Variants in DGLUCY observed in about 807,000 individuals in gnomAD.
DGLUCY encodes D-glutamate cyclase, mitochondrial.
A neutral mutation model predicts 58.5 loss-of-function variants in DGLUCY; 58 were observed. That is an observed-to-expected ratio of 0.99 (90% CI 0.80 to 1.23). DGLUCY has a LOEUF of 1.23. Ranked by LOEUF, DGLUCY falls within the 50% of genes most tolerant of loss-of-function variation. The pLI is 0.00. For missense variants in DGLUCY, 779 were observed against 784.7 expected (o/e 0.99, Z 0.09); for synonymous variants, 325 against 314.1 (o/e 1.03, Z -0.37).
In DGLUCY at chr14:91,169,817, G is replaced by A. The variant is rs570087307; in HGVS notation, c.258-186G>A. The stretch of plus-strand genomic sequence containing the variant: ...TATACGTGCTGATTTAATCGTTTCC[G>A]ATCTGGGGACATTTGAAGGATGCCA... On this transcript the variant is annotated intron_variant, in intron 4 of 13. Coordinates refer to ENST00000256324, the MANE Select transcript of DGLUCY (RefSeq NM_001102368.3). Among the ~76,000 whole-genome samples the A allele has an allele frequency of 7.9e-5, 12 of 152,180 alleles. No individual in the cohort carries two copies. The East Asian group carries it at 1.4e-3, about 17-fold the overall frequency.
intron 8 of DGLUCY, among the ~76,000 whole-genome samples, chr14:91,183,119 G>GT (rs1431067981): frequency 1.3e-5 from 2 of 151,800 alleles, no homozygotes; most frequent in Non-Finnish European, 2.9e-5. Flanking sequence ...AGCCTCCTGA[G>GT]TAGCTGAGAC....
At chr14:91,183,109 A>G (rs1316927113) in intron 8 of DGLUCY, among the ~76,000 whole-genome samples, 2 of 151,878 alleles carry the variant, frequency 1.3e-5, no homozygotes, top group Non-Finnish European at 2.9e-5. Context: ...CTCCCACCTC[A>G]GCCTCCTGAG....
At chr14:91,103,274 T>C (rs909702347), upstream of DGLUCY, among the ~76,000 whole-genome samples, 4 of 152,192 alleles carry the variant, frequency 2.6e-5, no homozygotes, top group African/African-American at 9.6e-5. Flanking sequence ...CCACATGGGC[T>C]GGCCTCATTT....
intron 1 of DGLUCY, among the ~76,000 whole-genome samples, chr14:91,129,133 CACTT>C (rs1352410663): frequency 6.6e-6 from 1 of 152,206 alleles, no homozygotes; most frequent in Non-Finnish European, 1.5e-5. Context: ...ATCATCTACA[CACTT>C]TTTATCTTTT....
intron 3 of DGLUCY, among the ~76,000 whole-genome samples, chr14:91,161,004 AAT>A (rs1192863625): frequency 6.6e-6 from 1 of 152,224 alleles, no homozygotes; most frequent in Admixed American, 6.5e-5. Flanking sequence ...TTAGTTTATT[AAT>A]ATGTCTGGCC....
At chr14:91,179,508 C>G (rs1453975637) in intron 7 of DGLUCY, among the ~76,000 whole-genome samples, 1 of 151,808 alleles carries the variant, frequency 6.6e-6, no homozygotes, top group African/African-American at 2.4e-5. Flanking sequence ...TCCCAGCACT[C>G]TGGGAGGCTG....
At chr14:91,081,394 A>G (rs985132477) in intron 1 of DGLUCY, among the ~76,000 whole-genome samples, 3 of 152,268 alleles carry the variant, frequency 2.0e-5, no homozygotes, top group Non-Finnish European at 4.4e-5. Context: ...ATAGGGATTC[A>G]TAGACGGGAA....
rs554553915 is a variant in DGLUCY at position 91,143,398 on chromosome 14, G to A, written c.-81-14241G>A. Among the ~76,000 whole-genome samples the A allele has an allele frequency of 5.9e-5, 9 of 152,250 alleles. No homozygotes were observed. In the East Asian group the frequency reaches 1.5e-3, roughly 26 times the overall value. ...GCATGAGCCACCGCGCCTGGCAGCAGTTCTGAGGAACAGTTTGCTCAGGCT... is the reference window on the plus strand; with the variant it reads ...GCATGAGCCACCGCGCCTGGCAGCAATTCTGAGGAACAGTTTGCTCAGGCT... On this transcript the variant is annotated intron_variant, in intron 1 of 13. Transcript: ENST00000256324.
At chr14:91,084,087 C>T (rs2044171577) in intron 1 of DGLUCY, among the ~76,000 whole-genome samples, 3 of 152,082 alleles carry the variant, frequency 2.0e-5, no homozygotes, top group Admixed American at 2.0e-4. Context: ...GTAGGGCTGG[C>T]AATACATGTT....
At chr14:91,065,465 C>G (rs1278616726) in intron 1 of DGLUCY, among the ~76,000 whole-genome samples, 1 of 152,110 alleles carries the variant, frequency 6.6e-6, no homozygotes, top group Non-Finnish European at 1.5e-5. Flanking sequence ...GAGTTCTCAA[C>G]CTTGGCTGAA....
chr14:91,171,023 C>T (rs945707576), intron 5 of DGLUCY, among the ~76,000 whole-genome samples: 5 of 152,102 alleles, frequency 3.3e-5, no homozygotes, highest in African/African-American at 4.8e-5. Context: ...TGTGCCCGAG[C>T]GGTTCTCTTG....
At chr14:91,207,512 C>T (rs1567009278) in intron 12 of DGLUCY, among the ~76,000 whole-genome samples, 1 of 152,058 alleles carries the variant, frequency 6.6e-6, no homozygotes, top group African/African-American at 2.4e-5. Context: ...GACACCAAAC[C>T]ATAGATCCGG....
At position 91,178,689 on chromosome 14, in the gene DGLUCY, A is replaced by T. The variant is rs116164794; in HGVS notation, c.731-2497A>T. ...TACACATCAAATCTAAAAGTTATGTATCTATTAGATTTTTATTTTGAAGTG... is the reference window on the plus strand; with the variant it reads ...TACACATCAAATCTAAAAGTTATGTTTCTATTAGATTTTTATTTTGAAGTG... On this transcript the variant is annotated intron_variant, in intron 7 of 13. Coordinates refer to ENST00000256324, the MANE Select transcript of DGLUCY (RefSeq NM_001102368.3). Among the ~76,000 whole-genome samples, 382 of 152,312 alleles carry T rather than the reference A, an allele frequency of 2.5e-3. 1 individual carries two copies. Among genetic ancestry groups the T allele is most frequent in the African/African-American group, 8.5e-3 (355 of 41,568 alleles).
upstream of DGLUCY, among the ~76,000 whole-genome samples, chr14:91,104,371 C>A (rs2044551831): frequency 3.3e-5 from 5 of 152,176 alleles, no homozygotes; most frequent in Admixed American, 3.3e-4. Context: ...CGAGAACATT[C>A]TTTATTGTTG....
At position 91,188,976 on chromosome 14, in the gene DGLUCY, A is replaced by T; in HGVS notation, c.1001A>T (p.His334Leu). The T allele has an allele frequency of 1.2e-6, 2 of 1,614,184 alleles. No individual in the cohort carries two copies. Among genetic ancestry groups the T allele is most frequent in the Non-Finnish European group, 1.7e-6 (2 of 1,180,040 alleles). The change falls in exon 9 of 14, where the codon CAT (histidine) becomes CTT (leucine). Residue 334 changes from histidine to leucine, a missense_variant. Physicochemically the swap from His to Leu is moderately conservative, Grantham distance 99 (BLOSUM62 -3). Transcript: ENST00000256324. ...CTGAAGGCCTCTCTCTCGCTGTCCC[A>T]TGCCCGCTCAGTGCTCATCACCACT... Reference protein sequence around the residue: ...ELLKASLSLSHARSVLITTGF... With the variant: ...ELLKASLSLSLARSVLITTGF...
At chr14:91,205,239 T>A (rs1220189634) in intron 12 of DGLUCY, among the ~76,000 whole-genome samples, 1 of 152,238 alleles carries the variant, frequency 6.6e-6, no homozygotes, top group Non-Finnish European at 1.5e-5. Flanking sequence ...TGATCTGTGC[T>A]TTTATCTGCA....
rs1315778614 is a variant in DGLUCY, at chr14:91,131,045, T to C, written c.-82+16762T>C. 2.6e-5 allele frequency among the ~76,000 whole-genome samples: 4 copies of C among 152,062 alleles called. No individual in the cohort carries two copies. The East Asian group carries it at 7.7e-4, about 29-fold the overall frequency. ...TTACTGCAGCCTCAACCTCCCCGGCTCAAGCAAGCCTCCTGCCTCTCACCC... is the reference window on the plus strand; with the variant it reads ...TTACTGCAGCCTCAACCTCCCCGGCCCAAGCAAGCCTCCTGCCTCTCACCC... On this transcript the variant is annotated intron_variant, in intron 1 of 13. Coordinates refer to ENST00000256324, the MANE Select transcript of DGLUCY (RefSeq NM_001102368.3).
At chr14:91,079,515 G>A (rs1304463297) in intron 1 of DGLUCY, among the ~76,000 whole-genome samples, 1 of 151,882 alleles carries the variant, frequency 6.6e-6, no homozygotes, top group East Asian at 1.9e-4. Context: ...CACCCCACCC[G>A]GCTAGTTTTT....
chr14:91,195,385 T>G (rs1802407849), intron 9 of DGLUCY, among the ~76,000 whole-genome samples: 1 of 152,204 alleles, frequency 6.6e-6, no homozygotes. Flanking sequence ...CTTTTTGTCA[T>G]TAGAAAAGGT....
Sources: allele counts gnomAD v4.1 joint callset (sites outside exome capture counted in the v4.1 genomes callset), GRCh38; gene constraint gnomAD v4.1.1; transcripts MANE v1.5; gene names NCBI Gene and HGNC (gene_info 2026-07-23, HGNC 2026-07-21).